Variants in TRDN observed in about 807,000 individuals in gnomAD.
TRDN encodes triadin, also known as triadin in skeletal muscle.
Under a neutral mutation model 149.7 loss-of-function variants are expected in TRDN, and 161 were observed. That is an observed-to-expected ratio of 1.08 (90% confidence interval 0.95 to 1.23). The LOEUF is 1.23. Among genes scored for constraint, TRDN ranks in the 50% most tolerant of loss-of-function variants. The probability of loss-of-function intolerance (pLI) is 0.00; values close to 1 mark genes in which losing one functional copy is unlikely to be tolerated. For missense variants in TRDN, 896 were observed against 823.5 expected (o/e 1.09, Z -1.08); for synonymous variants, 294 against 250.5 (o/e 1.17, Z -1.64).
chr6:123,566,638 T>C (rs1782312409), intron 2 of TRDN, among the ~76,000 whole-genome samples: 1 of 152,234 alleles, frequency 6.6e-6, no homozygotes, highest in Non-Finnish European at 1.5e-5. Context: ...AGTTTATTTC[T>C]TTTACCACTA....
chr6:123,504,146 G>A (rs186643846), intron 7 of TRDN, among the ~76,000 whole-genome samples: 15 of 152,020 alleles, frequency 9.9e-5, no homozygotes, highest in Non-Finnish European at 8.8e-5. Flanking sequence ...TACTAAAAGT[G>A]TTATGGCTTT....
intron 20 of TRDN, among the ~76,000 whole-genome samples, chr6:123,356,788 C>T (rs369449536): frequency 6.6e-6 from 1 of 150,452 alleles, no homozygotes; most frequent in Admixed American, 6.6e-5. Flanking sequence ...ATTGGAAAAT[C>T]TTTTTATTTG....
chr6:123,606,135 A>C (rs1784517151), intron 1 of TRDN, among the ~76,000 whole-genome samples: 1 of 152,220 alleles, frequency 6.6e-6, no homozygotes, highest in African/African-American at 2.4e-5. Context: ...AATTATAAAG[A>C]ACAAAATTAA....
At chr6:123,407,710 T>C (rs888633680) in intron 12 of TRDN, among the ~76,000 whole-genome samples, 1 of 152,174 alleles carries the variant, frequency 6.6e-6, no homozygotes, top group African/African-American at 2.4e-5. Flanking sequence ...AAAAAATGTT[T>C]ATTATTTTGA....
chr6:123,448,996 G>A (rs924807797), intron 10 of TRDN, among the ~76,000 whole-genome samples: 4 of 152,060 alleles, frequency 2.6e-5, no homozygotes, highest in Admixed American at 1.3e-4. Flanking sequence ...TGGCTCACAG[G>A]AAGCCACATC....
intron 33 of TRDN, among the ~76,000 whole-genome samples, chr6:123,264,365 A>G (rs1776867303): frequency 6.6e-6 from 1 of 152,116 alleles, no homozygotes; most frequent in East Asian, 1.9e-4. Context: ...AAGTAACTGC[A>G]GATGTGGTGG....
intron 21 of TRDN, chr6:123,350,159 C>T (rs1170583773): frequency 2.1e-6 from 2 of 970,104 alleles, no homozygotes; most frequent in Admixed American, 6.2e-5. Flanking sequence ...GTAGACAAAT[C>T]TTATTTAATT....
chr6:123,567,559 A>C (rs1325011794), intron 2 of TRDN, among the ~76,000 whole-genome samples: 3 of 150,992 alleles, frequency 2.0e-5, no homozygotes, highest in Non-Finnish European at 4.4e-5. Flanking sequence ...GTTTACAATC[A>C]TGGTGGAAGT....
chr6:123,284,727 C>T (rs935201488), intron 24 of TRDN, among the ~76,000 whole-genome samples: 5 of 152,016 alleles, frequency 3.3e-5, no homozygotes, highest in Non-Finnish European at 5.9e-5. Flanking sequence ...GTCAAACTGT[C>T]GCTGTTTGCT....
intron 4 of TRDN, among the ~76,000 whole-genome samples, chr6:123,539,301 G>A (rs1228070174): frequency 6.6e-6 from 1 of 152,128 alleles, no homozygotes; most frequent in Non-Finnish European, 1.5e-5. Flanking sequence ...ATGGAGCCTA[G>A]ATTCTGCATT....
rs576932031 is a variant in TRDN at position 123,558,629 on chromosome 6, T to C, written c.233-10017A>G. 4.6e-5 allele frequency among the ~76,000 whole-genome samples: 7 copies of C among 152,296 alleles called. No homozygotes were observed. The East Asian group carries it at 1.4e-3, about 29-fold the overall frequency. The stretch of plus-strand genomic sequence containing the variant: ...CCTAAAATGTCAAAAGGCCATCTTA[T>C]TCTCAATATACATTTTATTACCCAA... On this transcript the variant is annotated intron_variant, in intron 2 of 40. Transcript: ENST00000334268.
chr6:123,446,426 G>A (rs111560471), intron 10 of TRDN, among the ~76,000 whole-genome samples: 22,553 of 150,948 alleles, frequency 0.15, 2,378 homozygotes, highest in African/African-American at 0.3. Context: ...TACCTAAAAA[G>A]AAAAAATTAG....
intron 1 of TRDN, among the ~76,000 whole-genome samples, chr6:123,593,714 T>C (rs148844554): frequency 6.6e-6 from 1 of 152,308 alleles, no homozygotes; most frequent in African/African-American, 2.4e-5. Flanking sequence ...GACCTAATTT[T>C]AACTTGATTA....
intron 12 of TRDN, among the ~76,000 whole-genome samples, chr6:123,422,873 G>A (rs1358730219): frequency 6.6e-6 from 1 of 152,088 alleles, no homozygotes; most frequent in Non-Finnish European, 1.5e-5. Flanking sequence ...TAAATCTGCT[G>A]TAGATACAGA....
intron 21 of TRDN, chr6:123,351,251 T>C: frequency 1.0e-6 from 1 of 973,644 alleles, no homozygotes; most frequent in Non-Finnish European, 1.2e-6. Flanking sequence ...TATCTAGAAG[T>C]TTACACATTT....
At chr6:123,536,767 C>A (rs1191882511) in intron 4 of TRDN, among the ~76,000 whole-genome samples, 4 of 151,342 alleles carry the variant, frequency 2.6e-5, no homozygotes, top group African/African-American at 9.7e-5. Flanking sequence ...CAACTGTAGT[C>A]CAGCTACTTG....
At chr6:123,586,480 G>A (rs116857444) in intron 1 of TRDN, among the ~76,000 whole-genome samples, 3 of 152,114 alleles carry the variant, frequency 2.0e-5, no homozygotes, top group African/African-American at 7.2e-5. Context: ...AGAGACTATA[G>A]AGGGACTGAT....
chr6:123,547,207 C>A, intron 4 of TRDN, 133 bp downstream of exon 4: 1 of 539,728 alleles, frequency 1.9e-6, no homozygotes, highest in Non-Finnish European at 3.2e-6. Flanking sequence ...TATTTTTTTT[C>A]TGACTATAAA....
chr6:123,239,124 C>A (rs1265198349), intron 38 of TRDN, among the ~76,000 whole-genome samples: 1 of 152,100 alleles, frequency 6.6e-6, no homozygotes, highest in African/African-American at 2.4e-5. Flanking sequence ...CAGGCGTGAG[C>A]CACTATGCCC....
Sources: gnomAD v4.1 joint callset for allele counts (sites outside exome capture counted in the v4.1 genomes callset) on GRCh38, gnomAD v4.1.1 for gene constraint, MANE v1.5 for transcripts, NCBI Gene and HGNC (gene_info 2026-07-23, HGNC 2026-07-21) for gene names.